The following PGR variants were observed in gnomAD, a reference collection of about 807,000 sequenced individuals.
PGR encodes progesterone receptor, also known as nuclear receptor subfamily 3 group C member 3.
A neutral mutation model predicts 76.1 loss-of-function variants in PGR; 25 were observed. That is an observed-to-expected ratio of 0.33 (90% CI 0.24 to 0.46). PGR has a LOEUF of 0.46. PGR is among the 20% of genes least tolerant of loss of function. The pLI is 1.00. For missense variants in PGR, 1,172 were observed against 1,225.3 expected, an observed-to-expected ratio of 0.96 and a Z score of 0.65; for synonymous variants, 579 against 535.0, an observed-to-expected ratio of 1.08 and a Z score of -1.14.
chr11:101,034,734 G>A lies in PGR; in HGVS notation c.*4382C>T, dbSNP rs964090901. 2.9e-5 allele frequency: 5 copies of A among 174,420 alleles called. No individual in the cohort carries two copies. Among genetic ancestry groups the A allele is most frequent in the African/African-American group, 1.2e-4 (5 of 42,142 alleles). 10.8% of individuals were successfully genotyped at this position (174,420 alleles called of 1,614,324 possible). ...ACCTGAACTCAATAATCTAGGCCCAGTTCAGCTTGGATTCATCTTATGGAT... is the reference window on the plus strand; with the variant it reads ...ACCTGAACTCAATAATCTAGGCCCAATTCAGCTTGGATTCATCTTATGGAT... On this transcript the variant is annotated 3_prime_UTR_variant, in exon 8 of 8. Coordinates refer to ENST00000325455, the MANE Select transcript of PGR (RefSeq NM_000926.4).
chr11:101,111,434 T>G (rs1339230320), intron 2 of PGR, among the ~76,000 whole-genome samples: 2 of 152,216 alleles, frequency 1.3e-5, no homozygotes, highest in Admixed American at 1.3e-4. Flanking sequence ...TGGCATGACC[T>G]TCTGCCTCTA....
rs1288531142 is a variant in PGR, at chr11:101,129,434, G to A, written c.-364C>T. 1.1e-5 allele frequency: 3 copies of A among 275,400 alleles called. No homozygotes were observed. Among genetic ancestry groups the A allele is most frequent in the Non-Finnish European group, 6.8e-6 (1 of 146,660 alleles). 17.1% of individuals were successfully genotyped at this position (275,400 alleles called of 1,614,324 possible). A position where few individuals can be genotyped will look rare whatever the true frequency, so the allele number is the denominator to read the frequency against. On this transcript the variant is annotated 5_prime_UTR_variant, in exon 1 of 8. Coordinates refer to ENST00000325455, the MANE Select transcript of PGR (RefSeq NM_000926.4). The stretch of plus-strand genomic sequence containing the variant: ...GGAGACGCAGAGTACTCACAAGTCC[G>A]GCACTTGAGTGGCTGCGGCTGCGAC...
At chr11:101,087,765 G>A (rs2135450689) in intron 3 of PGR, among the ~76,000 whole-genome samples, 1 of 151,598 alleles carries the variant, frequency 6.6e-6, no homozygotes, top group African/African-American at 2.4e-5. Flanking sequence ...CCAAAAAAAT[G>A]GGCAAAAGAC....
intron 2 of PGR, among the ~76,000 whole-genome samples, chr11:101,110,533 A>C (rs138045905): frequency 6.6e-6 from 1 of 152,332 alleles, no homozygotes; most frequent in Non-Finnish European, 1.5e-5. Flanking sequence ...TGAACACATG[A>C]GGGGTCTTGT....
At chr11:101,052,916 C>T (rs1304915644) in intron 4 of PGR, among the ~76,000 whole-genome samples, 1 of 152,028 alleles carries the variant, frequency 6.6e-6, no homozygotes, top group East Asian at 1.9e-4. Flanking sequence ...AAGAAACTTG[C>T]TAGGGAGAAA....
rs750889153 is a variant in PGR, at chr11:101,129,078, G to T, written c.-8C>A. On this transcript the variant is annotated 5_prime_UTR_variant, in exon 1 of 8. Coordinates refer to ENST00000325455, the MANE Select transcript of PGR (RefSeq NM_000926.4). Reference sequence around the variant, plus strand: ...TGCCTTCAGCTCAGTCATGACGACTGGACTCCCCTTTTCTCCTCCCCCGTC... The same window carrying T: ...TGCCTTCAGCTCAGTCATGACGACTTGACTCCCCTTTTCTCCTCCCCCGTC... 1.2e-5 allele frequency: 18 copies of T among 1,521,838 alleles called. No individual in the cohort carries two copies. The African/African-American group carries it at 2.4e-4, about 20-fold the overall frequency. The allele number at this position is 1,521,838 out of a possible 1,614,324, so 94.3% of individuals were successfully genotyped here. A position where few individuals can be genotyped will look rare whatever the true frequency, so the allele number is the denominator to read the frequency against.
At chr11:101,092,725 A>T (rs914659005) in intron 2 of PGR, among the ~76,000 whole-genome samples, 1 of 152,198 alleles carries the variant, frequency 6.6e-6, no homozygotes, top group Non-Finnish European at 1.5e-5. Flanking sequence ...AAATAAAAAA[A>T]TTCAGCTTAA....
Position 101,127,625 on chromosome 11 carries a change from C to A in PGR, c.1446G>T (p.Ala482=), listed in dbSNP as rs1374194320. The change falls in exon 1 of 8, where the codon GCG becomes GCT. Residue 482 remains alanine (A), a synonymous_variant. Coordinates refer to ENST00000325455, the MANE Select transcript of PGR (RefSeq NM_000926.4). ...GGAGCAGGCAGCCGCTCGCGCCCGG[C>A]GCCTTGCAGGGCGGCGGCGCGAACG... is the stretch of plus-strand genomic sequence containing the variant. ...QGPFAPPPCK[A]PGASGCLLPR... is the part of the protein sequence containing the mutation. 6 of 1,325,632 alleles carry A rather than the reference C, an allele frequency of 4.5e-6. No individual in the cohort carries two copies. The highest frequency in any genetic ancestry group is 5.7e-6 in the Non-Finnish European group (6 of 1,047,148). The allele number at this position is 1,325,632 out of a possible 1,614,324, so 82.1% of individuals were successfully genotyped here. A position where few individuals can be genotyped will look rare whatever the true frequency, so the allele number is the denominator to read the frequency against.
In PGR at chr11:101,127,789, G is replaced by T; in HGVS notation, c.1282C>A (p.Arg428=). Residue 428 remains arginine, a synonymous_variant, in exon 1 of 8, where the codon CGA becomes AGA. Transcript: ENST00000325455. ...PLGPPPPLPP[R]ATPSRPGEAA... ...TCCCCGGGTCTGGATGGGGTCGCTC[G>T]CGGCGGCAGCGGGGGCGGTGGCCCC... 6.4e-7 allele frequency: 1 copy of T among 1,563,812 alleles called. No individual in the cohort carries two copies. The highest frequency in any genetic ancestry group is 1.3e-5 in the African/African-American group (1 of 74,450).
At chr11:101,103,064 G>A (rs1408975136) in intron 2 of PGR, among the ~76,000 whole-genome samples, 6 of 151,448 alleles carry the variant, frequency 4.0e-5, no homozygotes, top group Non-Finnish European at 8.9e-5. Context: ...TCACTCACCT[G>A]CTGCTCACCT....
intron 2 of PGR, among the ~76,000 whole-genome samples, chr11:101,101,746 T>C (rs1048601615): frequency 2.6e-5 from 4 of 152,210 alleles, no homozygotes; most frequent in Non-Finnish European, 5.9e-5. Context: ...TGTAAAACAA[T>C]GTCATTCTTG....
chr11:101,127,462 C>T lies in PGR; in HGVS notation c.1609G>A (p.Val537Ile), dbSNP rs1293482599. 2 of 1,560,560 alleles carry T rather than the reference C, an allele frequency of 1.3e-6. No homozygotes were observed. Among genetic ancestry groups the T allele is most frequent in the Admixed American group, 3.7e-5 (2 of 54,310 alleles). ...AAVLKEGLPQVYPPYLNYLRP... is the reference protein window; with the variant it reads ...AAVLKEGLPQIYPPYLNYLRP... ...AGGTAGTTGAGATAGGGCGGGTAGA[C>T]CTGCGGCAGGCCCTCCTTGAGCACG... Residue 537 changes from valine (V) to isoleucine (I), a missense_variant, in exon 1 of 8, where the codon GTC becomes ATC. Around this residue, in one of 4 missense-constraint regions of PGR, gnomAD observed 893 missense variants for 785.9 expected, o/e 1.14. Transcript: ENST00000325455.
At chr11:101,047,126 G>A (rs1859916389) in intron 6 of PGR, among the ~76,000 whole-genome samples, 1 of 152,126 alleles carries the variant, frequency 6.6e-6, no homozygotes, top group Admixed American at 6.6e-5. Flanking sequence ...GTATGTGAGT[G>A]GAAGTTGTAT....
At chr11:101,055,070 T>C (rs1251327456) in intron 4 of PGR, among the ~76,000 whole-genome samples, 1 of 152,096 alleles carries the variant, frequency 6.6e-6, no homozygotes, top group Non-Finnish European at 1.5e-5. Flanking sequence ...TTTTCCAGAA[T>C]ATATATTTTA....
At chr11:101,065,631 AC>A (rs1190277071) in intron 3 of PGR, among the ~76,000 whole-genome samples, 22 of 152,284 alleles carry the variant, frequency 1.4e-4, no homozygotes, top group South Asian at 2.1e-4. Flanking sequence ...AAAAATAACG[AC>A]ACCTGGTATT....
chr11:101,085,525 T>TAAAAAAAAAA (rs1212568882), intron 3 of PGR, among the ~76,000 whole-genome samples: 305 of 42,186 alleles, frequency 7.2e-3, no homozygotes, highest in Admixed American at 8.8e-3. Flanking sequence ...CTAGAGGAAC[T>TAAAAAAAAAA]AAAAAAAAAA....
rs2135371597 is a variant in PGR, at chr11:101,036,076, G to A, written c.*3040C>T. The A allele has an allele frequency of 3.2e-5, 7 of 221,072 alleles. No homozygotes were observed. In the East Asian group the frequency reaches 4.6e-4, roughly 15 times the overall value. The allele number at this position is 221,072 out of a possible 1,614,324, so 13.7% of individuals were successfully genotyped here. A position where few individuals can be genotyped will look rare whatever the true frequency, so the allele number is the denominator to read the frequency against. On this transcript the variant is annotated 3_prime_UTR_variant, in exon 8 of 8. Transcript: ENST00000325455. ...TCCAGCTAGTAAGTGGCAGAGAAGG[G>A]GGGCACAGTCCTATGTCAGTTATCT...
In PGR at chr11:101,033,651, A is replaced by G. The variant is rs554554063; in HGVS notation, c.*5465T>C. The G allele has an allele frequency of 1.5e-5, 3 of 201,078 alleles. No individual in the cohort carries two copies. The highest frequency in any genetic ancestry group is 3.8e-4 in the South Asian group (2 of 5,228). 12.5% of individuals were successfully genotyped at this position (201,078 alleles called of 1,614,324 possible). A position where few individuals can be genotyped will look rare whatever the true frequency, so the allele number is the denominator to read the frequency against. On this transcript the variant is annotated 3_prime_UTR_variant, in exon 8 of 8. Transcript: ENST00000325455. ...ACAATAACTATTTCTTAATAGAAGTACAGTTTGGTGGATAGATACTTCAAG... is the reference window on the plus strand; with the variant it reads ...ACAATAACTATTTCTTAATAGAAGTGCAGTTTGGTGGATAGATACTTCAAG...
chr11:101,066,866 C>T (rs1192977914), intron 3 of PGR, among the ~76,000 whole-genome samples: 3 of 152,162 alleles, frequency 2.0e-5, no homozygotes, highest in Non-Finnish European at 4.4e-5. Context: ...ATTTATGTCC[C>T]CACAATCACA....
Sources: allele counts gnomAD v4.1 joint callset (sites outside exome capture counted in the v4.1 genomes callset), GRCh38; gene constraint gnomAD v4.1.1; regional missense constraint gnomAD v4.1.1; transcripts MANE v1.5; gene names NCBI Gene and HGNC (gene_info 2026-07-23, HGNC 2026-07-21).